ACLY: variants seen among roughly 807,000 people sequenced by gnomAD.
ACLY encodes the protein ATP citrate lyase.
Under a neutral mutation model 133.0 loss-of-function variants are expected in ACLY, and 41 were observed. The ratio of observed to expected loss-of-function variants is 0.31; its 90% CI spans 0.24 to 0.40. ACLY has a LOEUF of 0.40. Ranked by LOEUF, ACLY falls within the 10% of genes least tolerant of loss-of-function variation. The probability of loss-of-function intolerance (pLI) is 1.00; values close to 1 mark genes in which losing one functional copy is unlikely to be tolerated. For synonymous variants in ACLY, 495 were observed against 549.3 expected, an observed-to-expected ratio of 0.90 and a Z score of 1.38; for missense variants, 1,046 against 1,453.8, an observed-to-expected ratio of 0.72 and a Z score of 4.56.
intron 21 of ACLY, 32 bp downstream of exon 21, chr17:41,878,765 G>C: frequency 2.5e-6 from 4 of 1,612,444 alleles, no homozygotes; most frequent in Non-Finnish European, 3.4e-6. Flanking sequence ...GAAAGGAGGG[G>C]GAGGCCGGCA....
chr17:41,913,673 C>A (rs781828252), intron 2 of ACLY, 42 bp downstream of exon 2: 1 of 1,600,586 alleles, frequency 6.2e-7, no homozygotes, highest in East Asian at 2.2e-5. Context: ...TTCCTCAGAC[C>A]CCGGGCCTGG....
intron 8 of ACLY, 129 bp from the exon 9 acceptor site, chr17:41,905,787 C>T (rs2049697816): frequency 8.8e-7 from 1 of 1,133,298 alleles, no homozygotes; most frequent in African/African-American, 1.5e-5. Flanking sequence ...TCTTGGATCT[C>T]CAGCCCCCAA....
chr17:41,886,564 C>T (rs530069359), intron 17 of ACLY, among the ~76,000 whole-genome samples: 81 of 152,282 alleles, frequency 5.3e-4, no homozygotes, highest in African/African-American at 1.6e-3. Context: ...ATACTTGGCC[C>T]GGCACAGTGG....
intron 5 of ACLY, 84 bp from the exon 6 acceptor site, chr17:41,909,152 C>G (rs2049816450): frequency 2.0e-6 from 2 of 1,017,908 alleles, no homozygotes; most frequent in Non-Finnish European, 3.1e-6. Context: ...CAATCTCTCA[C>G]TGCCACCGAC....
At chr17:41,918,501 C>T (rs2050116418) in intron 1 of ACLY, among the ~76,000 whole-genome samples, 1 of 152,232 alleles carries the variant, frequency 6.6e-6, no homozygotes, top group South Asian at 2.1e-4. Context: ...GATGGGGGAA[C>T]CCGGATGGAG....
At chr17:41,884,855 A>C (rs1273060961) in intron 18 of ACLY, among the ~76,000 whole-genome samples, 1 of 152,152 alleles carries the variant, frequency 6.6e-6, no homozygotes, top group African/African-American at 2.4e-5. Context: ...AACAAAAAAA[A>C]CCTAAGAACA....
Position 41,901,762 on chromosome 17 carries a change from C to T in ACLY, c.1117G>A (p.Val373Ile). The T allele has an allele frequency of 6.2e-7, 1 of 1,606,618 alleles. No individual in the cohort carries two copies. Among genetic ancestry groups the T allele is most frequent in the Non-Finnish European group, 8.5e-7 (1 of 1,175,610 alleles). Residue 373 changes from valine to isoleucine, a missense_variant, in exon 11 of 29, where the codon GTC becomes ATC. Val to Ile is a conservative substitution (Grantham distance 29, BLOSUM62 3). Transcript: ENST00000352035. Reference sequence around the variant, plus strand: ...CCACCTCTTCGGACAAAGATTGTGACTTCGTGCTCCTTCAGGGGGCCCTGG... The same window carrying T: ...CCACCTCTTCGGACAAAGATTGTGATTTCGTGCTCCTTCAGGGGGCCCTGG... Reference protein sequence around the residue: ...DYQGPLKEHEVTIFVRRGGPN... With the variant: ...DYQGPLKEHEITIFVRRGGPN...
intron 18 of ACLY, among the ~76,000 whole-genome samples, chr17:41,884,756 GC>G (rs1555627889): frequency 6.6e-6 from 1 of 152,172 alleles, no homozygotes; most frequent in Middle Eastern, 3.2e-3. Context: ...GTGGTCGTGG[GC>G]GCCTGTACAG....
At position 41,884,249 on chromosome 17, in the gene ACLY, G is replaced by A; in HGVS notation, c.2098C>T (p.His700Tyr). 1 of 1,612,328 alleles carries A rather than the reference G, an allele frequency of 6.2e-7. No homozygotes were observed. Among genetic ancestry groups the A allele is most frequent in the Non-Finnish European group, 8.5e-7 (1 of 1,178,522 alleles). Residue 700 changes from histidine to tyrosine, a missense_variant, in exon 19 of 29, where the codon CAT (histidine) becomes TAT (tyrosine). By Grantham distance (83) the His-to-Tyr change is moderately conservative. Around this residue, in one of 4 missense-constraint regions of ACLY, gnomAD observed 575 missense variants for 804.2 expected, o/e 0.71. Coordinates refer to ENST00000352035, the MANE Select transcript of ACLY (RefSeq NM_001096.3). ...DRYPGSTFMD[H>Y]VLRYQDTPGV... is the part of the protein sequence containing the mutation. ...GGAGTGTCCTGATAGCGTAACACAT[G>A]ATCCATGAATGTGGAGCCCGGGTAC... is the stretch of plus-strand genomic sequence containing the variant.
At chr17:41,872,401 C>G (rs547651120) in intron 23 of ACLY, among the ~76,000 whole-genome samples, 95 of 152,328 alleles carry the variant, frequency 6.2e-4, no homozygotes, top group African/African-American at 2.2e-3. Flanking sequence ...TCTTGGCTCA[C>G]TGCAACCTCC....
chr17:41,900,561 A>T (rs1171680951), intron 11 of ACLY, among the ~76,000 whole-genome samples: 2 of 145,572 alleles, frequency 1.4e-5, no homozygotes, highest in Non-Finnish European at 3.0e-5. Flanking sequence ...CTCACAACAA[A>T]TTTTTTTTTT....
chr17:41,869,576 T>C lies in ACLY; in HGVS notation c.2949A>G (p.Pro983=), dbSNP rs2048547383. The change falls in exon 26 of 29, where the codon CCA becomes CCG. Residue 983 remains proline, a synonymous_variant. Coordinates refer to ENST00000352035, the MANE Select transcript of ACLY (RefSeq NM_001096.3). The stretch of plus-strand genomic sequence containing the variant: ...CTTTGAGGATCTGCACTCGCATGTC[T>C]GGGTTGTTTATCTAGAAATGAACCC... The part of the protein sequence containing the change: ...IGHRVKSINN[P]DMRVQILKDY... 1 of 1,614,088 alleles carries C rather than the reference T, an allele frequency of 6.2e-7. No homozygotes were observed. The highest frequency in any genetic ancestry group is 8.5e-7 in the Non-Finnish European group (1 of 1,179,958).
intron 26 of ACLY, 91 bp from the exon 27 acceptor site, chr17:41,869,216 G>T: frequency 8.3e-7 from 1 of 1,197,616 alleles, no homozygotes. Flanking sequence ...TACGAATTGT[G>T]ACCATCATTT....
intron 1 of ACLY, among the ~76,000 whole-genome samples, chr17:41,926,173 T>C (rs2050241551): frequency 2.0e-5 from 3 of 152,142 alleles, no homozygotes; most frequent in African/African-American, 7.2e-5. Flanking sequence ...ACTTATGTTC[T>C]ATTTCACAAT....
At chr17:41,886,343 T>A in intron 17 of ACLY, 35 bp from the exon 18 acceptor site, 1 of 1,564,018 alleles carries the variant, frequency 6.4e-7, no homozygotes, top group Non-Finnish European at 8.7e-7. Context: ...GGGAGGAAGG[T>A]GACTTCCAGA....
rs2144395905 is a variant in ACLY at position 41,909,605 on chromosome 17, G to C, written c.441C>G (p.Ala147=). The C allele has an allele frequency of 1.2e-6, 2 of 1,614,142 alleles. No individual in the cohort carries two copies. The highest frequency in any genetic ancestry group is 2.2e-5 in the South Asian group (2 of 91,090). ...CGCCAACAAGCAGCTTCTGGGCCTT[G>C]GCGTCCACATCACCCACGTCCACAC... ...EGGVDVGDVD[A]KAQKLLVGVD... is the part of the protein sequence containing the mutation. Residue 147 remains alanine (A), a synonymous_variant, in exon 5 of 29, where the codon GCC becomes GCG. Coordinates refer to ENST00000352035, the MANE Select transcript of ACLY (RefSeq NM_001096.3).
At position 41,886,208 on chromosome 17, in the gene ACLY, T is replaced by A. The variant is rs782342181; in HGVS notation, c.1976A>T (p.Tyr659Phe). The A allele has an allele frequency of 4.3e-6, 7 of 1,614,096 alleles. No individual in the cohort carries two copies. Among genetic ancestry groups the A allele is most frequent in the Non-Finnish European group, 5.9e-6 (7 of 1,180,038 alleles). ...SKLYRPGSVA[Y>F]VSRSGGMSNE... ...GGACATGCCTCCGGAACGTGAGACA[T>A]AGGCCACGCTGCCTGGGCGGTACAG... The change falls in exon 18 of 29, where the codon TAT becomes TTT. Residue 659 changes from tyrosine (Y) to phenylalanine (F), a missense_variant. Physicochemically the swap from Tyr to Phe is conservative, Grantham distance 22. Coordinates refer to ENST00000352035, the MANE Select transcript of ACLY (RefSeq NM_001096.3).
Position 41,892,052 on chromosome 17 carries a change from C to T in ACLY, c.1770+227G>A, listed in dbSNP as rs149688087. Among the ~76,000 whole-genome samples the T allele has an allele frequency of 2.6e-5, 4 of 152,286 alleles. No homozygotes were observed. In the East Asian group the frequency reaches 7.7e-4, roughly 29 times the overall value. ...ATAAGCAGCCTCTGCCCAGACTGAC[C>T]TGCCCTAAGTCACTATCCTGACTTC... On this transcript the variant is annotated intron_variant, in intron 16 of 28. Coordinates refer to ENST00000352035, the MANE Select transcript of ACLY (RefSeq NM_001096.3).
chr17:41,897,357 G>A (rs1555630611), intron 13 of ACLY, among the ~76,000 whole-genome samples: 3 of 152,040 alleles, frequency 2.0e-5, no homozygotes, highest in South Asian at 2.1e-4. Flanking sequence ...AACTGCTGTT[G>A]TATGAGCTGG....
Sources: gnomAD v4.1 joint callset for allele counts (sites outside exome capture counted in the v4.1 genomes callset) on GRCh38, gnomAD v4.1.1 for gene constraint, gnomAD v4.1.1 regional missense constraint, MANE v1.5 for transcripts, NCBI Gene and HGNC (gene_info 2026-07-23, HGNC 2026-07-21) for gene names.